Variants in FAM169A observed in about 807,000 individuals in gnomAD.
FAM169A encodes the protein soluble lamin-associated protein of 75 kDa.
FAM169A carries 24 observed loss-of-function variants against 75.7 expected under a neutral mutation model. That is an observed-to-expected ratio of 0.32 (90% CI 0.23 to 0.45). The LOEUF is 0.45. Among genes scored for constraint, FAM169A ranks in the 20% least tolerant of loss-of-function variants. FAM169A has a pLI of 1.00. For missense variants in FAM169A, 673 were observed against 784.0 expected, an observed-to-expected ratio of 0.86 and a Z score of 1.69; for synonymous variants, 271 against 271.0, an observed-to-expected ratio of 1.00 and a Z score of 0.00.
At chr5:74,821,092 C>T (rs1747744768) in intron 5 of FAM169A, among the ~76,000 whole-genome samples, 1 of 152,116 alleles carries the variant, frequency 6.6e-6, no homozygotes, top group African/African-American at 2.4e-5. Flanking sequence ...TTTTAATTTA[C>T]TTTGGTTGTC....
intron 1 of FAM169A, among the ~76,000 whole-genome samples, chr5:74,850,329 T>C (rs984060904): frequency 6.6e-6 from 1 of 152,230 alleles, no homozygotes; most frequent in Non-Finnish European, 1.5e-5. Flanking sequence ...GCAGCCCTAA[T>C]ACGGTTAAAG....
At chr5:74,842,900 G>T (rs1413817616) in intron 1 of FAM169A, among the ~76,000 whole-genome samples, 1 of 152,102 alleles carries the variant, frequency 6.6e-6, no homozygotes, top group Non-Finnish European at 1.5e-5. Context: ...CGAAGCTATT[G>T]CTATATCTAT....
At chr5:74,861,735 G>A (rs1369962323) in intron 1 of FAM169A, among the ~76,000 whole-genome samples, 2 of 152,050 alleles carry the variant, frequency 1.3e-5, no homozygotes. Context: ...TGTTAACAAA[G>A]CAACCACCTA....
rs1281601125 is a variant in FAM169A at position 74,782,075 on chromosome 5, C to A, written c.1465-67G>T. On this transcript the variant is annotated intron_variant, in intron 12 of 12. Coordinates refer to ENST00000687041, the MANE Select transcript of FAM169A (RefSeq NM_001376049.1). Reference sequence around the variant, plus strand: ...AGTTCTAAAAATAAATTCTCAGGCTCTAATATGCAGTGACACTGAACTAGA... The same window carrying A: ...AGTTCTAAAAATAAATTCTCAGGCTATAATATGCAGTGACACTGAACTAGA... 10 of 1,245,332 alleles carry A rather than the reference C, an allele frequency of 8.0e-6. No homozygotes were observed. In the Admixed American group the frequency reaches 2.2e-4, roughly 27 times the overall value. 77.1% of individuals were successfully genotyped at this position (1,245,332 alleles called of 1,614,324 possible). A position where few individuals can be genotyped will look rare whatever the true frequency, so the allele number is the denominator to read the frequency against.
intron 1 of FAM169A, among the ~76,000 whole-genome samples, chr5:74,857,572 GAAAAAAAAAAAAAAAAAA>G (rs35476827): frequency 2.1e-4 from 12 of 56,292 alleles, no homozygotes; most frequent in South Asian, 7.8e-4. Flanking sequence ...CTTGCCGCGG[GAAAAAAAAAAAAAAAAAA>G]AAAAAAAAAA....
chr5:74,801,473 G>GT (rs1554047715), intron 9 of FAM169A, 117 bp downstream of exon 9: 1 of 832,554 alleles, frequency 1.2e-6, no homozygotes, highest in Non-Finnish European at 2.0e-6. Context: ...TTTAGAGCTG[G>GT]TTAAGTCTTC....
At chr5:74,793,109 G>C (rs577316967) in intron 11 of FAM169A, among the ~76,000 whole-genome samples, 4 of 152,072 alleles carry the variant, frequency 2.6e-5, no homozygotes, top group Admixed American at 1.3e-4. Context: ...GGTGGATCAT[G>C]AAGTCAAGAG....
At chr5:74,807,691 A>G (rs1746960673) in intron 6 of FAM169A, among the ~76,000 whole-genome samples, 1 of 152,246 alleles carries the variant, frequency 6.6e-6, no homozygotes, top group African/African-American at 2.4e-5. Context: ...GTATGTAATA[A>G]AAATACTGTG....
At chr5:74,816,203 G>C (rs1747459747) in intron 5 of FAM169A, among the ~76,000 whole-genome samples, 1 of 152,176 alleles carries the variant, frequency 6.6e-6, no homozygotes, top group African/African-American at 2.4e-5. Context: ...CACATTATAA[G>C]TAGTGGTAGT....
chr5:74,834,083 G>A (rs537255350), intron 5 of FAM169A, among the ~76,000 whole-genome samples: 1 of 152,258 alleles, frequency 6.6e-6, no homozygotes, highest in African/African-American at 2.4e-5. Context: ...GAAGGAACCT[G>A]TAACAGTAAC....
chr5:74,860,213 T>C (rs1024111328), intron 1 of FAM169A, among the ~76,000 whole-genome samples: 2 of 152,206 alleles, frequency 1.3e-5, no homozygotes, highest in Non-Finnish European at 2.9e-5. Context: ...TAACTACTGT[T>C]GATGGAAGTA....
chr5:74,832,283 T>G (rs1396486579), intron 5 of FAM169A, among the ~76,000 whole-genome samples: 1 of 151,854 alleles, frequency 6.6e-6, no homozygotes, highest in African/African-American at 2.4e-5. Context: ...AAGAAAACTA[T>G]CTACCTAACC....
intron 1 of FAM169A, among the ~76,000 whole-genome samples, chr5:74,864,143 T>C (rs1296406947): frequency 1.3e-5 from 2 of 152,156 alleles, no homozygotes; most frequent in African/African-American, 2.4e-5. Context: ...AAACAGAAAA[T>C]AAATAGTTTA....
intron 5 of FAM169A, among the ~76,000 whole-genome samples, chr5:74,821,164 T>A (rs1747748281): frequency 6.6e-6 from 1 of 152,228 alleles, no homozygotes; most frequent in South Asian, 2.1e-4. Flanking sequence ...CCTTCTAAAA[T>A]CTAAGTTCTA....
At chr5:74,835,878 CAA>C (rs1303639248) in intron 4 of FAM169A, among the ~76,000 whole-genome samples, 2 of 152,126 alleles carry the variant, frequency 1.3e-5, no homozygotes, top group Non-Finnish European at 2.9e-5. Flanking sequence ...ATCTATTTCT[CAA>C]AGACTATATT....
intron 1 of FAM169A, among the ~76,000 whole-genome samples, chr5:74,863,206 A>G (rs922876427): frequency 1.3e-5 from 2 of 152,192 alleles, no homozygotes; most frequent in African/African-American, 4.8e-5. Context: ...CTGATAAATT[A>G]TTAGTTTTTC....
chr5:74,780,124 T>C lies in FAM169A; in HGVS notation c.*1336A>G, dbSNP rs1169045908. On this transcript the variant is annotated 3_prime_UTR_variant, in exon 13 of 13. Coordinates refer to ENST00000687041, the MANE Select transcript of FAM169A (RefSeq NM_001376049.1). ...TTACAAAAAATAACAGTTCAGTGTT[T>C]TTTTTCTTCAAATTTTCCTAGGCCT... The C allele has an allele frequency of 6.6e-6, 1 of 152,204 alleles. No homozygotes were observed. The highest frequency in any genetic ancestry group is 1.5e-5 in the Non-Finnish European group (1 of 68,046). 9.4% of individuals were successfully genotyped at this position (152,204 alleles called of 1,614,324 possible).
Position 74,801,014 on chromosome 5 carries a change from A to T in FAM169A, c.969T>A (p.Ser323=), listed in dbSNP as rs1160511521. Residue 323 remains serine, a synonymous_variant, in exon 10 of 13, where the codon TCT becomes TCA. Coordinates refer to ENST00000687041, the MANE Select transcript of FAM169A (RefSeq NM_001376049.1). Reference sequence around the variant, plus strand: ...TACCACTTCGAGTATGAGTGGAAACAGATGTTTTATCATGACCTGAGGAGA... The same window carrying T: ...TACCACTTCGAGTATGAGTGGAAACTGATGTTTTATCATGACCTGAGGAGA... ...ASTSEGHDKT[S]VSTHTRSGNL... 3.2e-6 allele frequency: 5 copies of T among 1,559,920 alleles called. No homozygotes were observed. Among genetic ancestry groups the T allele is most frequent in the Middle Eastern group, 1.7e-4 (1 of 5,876 alleles).
chr5:74,815,128 T>C (rs1267976330), intron 5 of FAM169A, among the ~76,000 whole-genome samples: 4 of 152,202 alleles, frequency 2.6e-5, no homozygotes, highest in Non-Finnish European at 4.4e-5. Flanking sequence ...GACTACCGAC[T>C]AATTTAAATT....
Sources: gnomAD v4.1 joint callset for allele counts (sites outside exome capture counted in the v4.1 genomes callset) on GRCh38, gnomAD v4.1.1 for gene constraint, MANE v1.5 for transcripts, NCBI Gene and HGNC (gene_info 2026-07-23, HGNC 2026-07-21) for gene names.